Variants in THNSL1 observed in about 807,000 individuals in gnomAD.
THNSL1 encodes threonine synthase like 1.
In THNSL1, 48 loss-of-function variants were observed where a neutral mutation model predicts 50.4. The observed-to-expected ratio is 0.95, with a 90% CI of 0.76 to 1.21. THNSL1 has a LOEUF of 1.21. Among genes scored for constraint, THNSL1 ranks in the 50% most tolerant of loss-of-function variants. THNSL1 has a pLI of 0.00. For synonymous variants in THNSL1, 309 were observed against 306.1 expected, an observed-to-expected ratio of 1.01 and a Z score of -0.10; for missense variants, 896 against 871.7, an observed-to-expected ratio of 1.03 and a Z score of -0.35.
At position 25,026,423 on chromosome 10, in the gene THNSL1, T is replaced by A. The variant is rs1006514132; in HGVS notation, c.*968T>A. ...AAGGTTTTCCAAAATTAAGAGTACT[T>A]GAGTAGTCTCAATAGGAGTGTATTT... On this transcript the variant is annotated 3_prime_UTR_variant, in exon 3 of 3. Coordinates refer to ENST00000376356, the MANE Select transcript of THNSL1 (RefSeq NM_024838.5). 1.2e-5 allele frequency: 2 copies of A among 167,078 alleles called. No homozygotes were observed. The highest frequency in any genetic ancestry group is 4.8e-5 in the African/African-American group (2 of 41,472). 10.3% of individuals were successfully genotyped at this position (167,078 alleles called of 1,614,324 possible). A position where few individuals can be genotyped will look rare whatever the true frequency, so the allele number is the denominator to read the frequency against.
chr10:24,995,545 T>A, the THNSL1 span: 1 of 1,045,460 alleles, frequency 9.6e-7, no homozygotes, highest in Non-Finnish European at 1.4e-6. Context: ...AGACAATGTG[T>A]CCAATGAGAG....
chr10:24,984,686 GT>G, the THNSL1 span: 65 of 1,502,618 alleles, frequency 4.3e-5, no homozygotes, highest in African/African-American at 2.1e-4. Context: ...TATTTTCCAT[GT>G]TTTTTTCCCC....
the THNSL1 span, among the ~76,000 whole-genome samples, chr10:24,962,996 G>A: frequency 6.6e-6 from 1 of 152,000 alleles, no homozygotes; most frequent in Non-Finnish European, 1.5e-5. Flanking sequence ...AGTTTGCATG[G>A]TAAGGCCAGA....
At chr10:24,966,392 A>C in the THNSL1 span, among the ~76,000 whole-genome samples, 1 of 152,346 alleles carries the variant, frequency 6.6e-6, no homozygotes, top group Admixed American at 6.5e-5. Flanking sequence ...TGCTGAGACC[A>C]CAACACCCTC....
the THNSL1 span, among the ~76,000 whole-genome samples, chr10:24,990,915 C>A: frequency 6.6e-6 from 1 of 152,150 alleles, no homozygotes; most frequent in Non-Finnish European, 1.5e-5. Context: ...GCCTGGCCAA[C>A]ATGGTGAAAC....
chr10:25,020,374 A>T (rs1850695772), intron 1 of THNSL1, among the ~76,000 whole-genome samples: 2 of 152,282 alleles, frequency 1.3e-5, no homozygotes, highest in South Asian at 4.1e-4. Context: ...TAAGATTGCA[A>T]AACATAAGGT....
chr10:25,022,862 A>G (rs1442290670), intron 2 of THNSL1, among the ~76,000 whole-genome samples: 1 of 152,218 alleles, frequency 6.6e-6, no homozygotes, highest in Non-Finnish European at 1.5e-5. Context: ...TTTAGTGTAT[A>G]TATACTTTTA....
At chr10:24,970,147 A>G in the THNSL1 span, among the ~76,000 whole-genome samples, 1 of 152,258 alleles carries the variant, frequency 6.6e-6, no homozygotes, top group Non-Finnish European at 1.5e-5. Flanking sequence ...AAATCCTTTC[A>G]AGATGATCTG....
Position 25,025,120 on chromosome 10 carries a change from A to G in THNSL1, c.1897A>G (p.Asn633Asp), listed in dbSNP as rs2132764983. Residue 633 changes from asparagine (N) to aspartate (D), a missense_variant, in exon 3 of 3, where the codon AAT (asparagine) becomes GAT (aspartate). Asn to Asp is a conservative substitution (Grantham distance 23). Transcript: ENST00000376356. ...CCTAGCAGCTATTAACTCCACCTAT[A>G]ATACTTCAGGGTATATTTTGGATCC... ...ECLAAINSTY[N>D]TSGYILDPHT... 1 of 1,613,992 alleles carries G rather than the reference A, an allele frequency of 6.2e-7. No homozygotes were observed. The highest frequency in any genetic ancestry group is 8.5e-7 in the Non-Finnish European group (1 of 1,179,946).
chr10:24,971,300 C>A, the THNSL1 span, among the ~76,000 whole-genome samples: 3,299 of 152,168 alleles, frequency 0.022, 119 homozygotes, highest in African/African-American at 0.077. Context: ...AGACAGGTTG[C>A]CACTATGTTA....
At chr10:24,982,341 G>A in the THNSL1 span, 51,194 of 151,340 alleles carry the variant, frequency 0.34, 8,792 homozygotes, top group East Asian at 0.48. Flanking sequence ...TAGTACCTCA[G>A]TACTATGGGA....
At chr10:24,970,004 G>T in the THNSL1 span, among the ~76,000 whole-genome samples, 1 of 152,246 alleles carries the variant, frequency 6.6e-6, no homozygotes, top group Non-Finnish European at 1.5e-5. Flanking sequence ...GCTCCCCCAT[G>T]AGAGCTGCAA....
the THNSL1 span, among the ~76,000 whole-genome samples, chr10:24,990,866 T>G: frequency 6.6e-6 from 1 of 151,300 alleles, no homozygotes; most frequent in East Asian, 1.9e-4. Context: ...GGCTGAGGGG[T>G]GGGGGGGTGG....
chr10:25,020,142 A>G (rs1382051308), intron 1 of THNSL1, among the ~76,000 whole-genome samples: 1 of 152,074 alleles, frequency 6.6e-6, no homozygotes, highest in Non-Finnish European at 1.5e-5. Flanking sequence ...TATATATTAT[A>G]GCACTTAACT....
the THNSL1 span, among the ~76,000 whole-genome samples, chr10:24,987,718 G>T: frequency 6.6e-6 from 1 of 152,164 alleles, no homozygotes; most frequent in Non-Finnish European, 1.5e-5. Flanking sequence ...GTGTTCTGTA[G>T]TGGGGGAAAC....
the THNSL1 span, among the ~76,000 whole-genome samples, chr10:24,976,586 T>A: frequency 2.0e-5 from 3 of 152,108 alleles, no homozygotes; most frequent in East Asian, 3.9e-4. Flanking sequence ...GCCTCCTGGG[T>A]TCAAGTGATT....
the THNSL1 span, among the ~76,000 whole-genome samples, chr10:24,966,801 A>G: frequency 6.6e-6 from 1 of 152,168 alleles, no homozygotes; most frequent in African/African-American, 2.4e-5. Context: ...TTTCCCTATC[A>G]GTAAAAGAGG....
chr10:24,986,975 A>C, the THNSL1 span, among the ~76,000 whole-genome samples: 1 of 152,174 alleles, frequency 6.6e-6, no homozygotes, highest in Admixed American at 6.5e-5. Flanking sequence ...TATAATAAGA[A>C]GTTTTCAGTT....
At chr10:25,014,008 C>T (rs1316043704), upstream of THNSL1, among the ~76,000 whole-genome samples, 4 of 152,016 alleles carry the variant, frequency 2.6e-5, no homozygotes, top group Non-Finnish European at 4.4e-5. Context: ...CCATCTTATG[C>T]ATCATGAGTA....
Sources: gnomAD v4.1 joint callset for allele counts (sites outside exome capture counted in the v4.1 genomes callset) on GRCh38, gnomAD v4.1.1 for gene constraint, MANE v1.5 for transcripts, NCBI Gene and HGNC (gene_info 2026-07-23, HGNC 2026-07-21) for gene names.